The following GRID1 variants were observed in gnomAD, a reference collection of about 807,000 sequenced individuals.
GRID1 encodes the protein glutamate ionotropic receptor delta type subunit 1, also known as glutamate receptor ionotropic, delta-1.
In GRID1, 28 loss-of-function variants were observed where a neutral mutation model predicts 98.0. That is an observed-to-expected ratio of 0.29 (90% confidence interval 0.21 to 0.39). The LOEUF is 0.39. Ranked by LOEUF, GRID1 falls within the 10% of genes least tolerant of loss-of-function variation. The pLI is 1.00. For synonymous variants in GRID1, 553 were observed against 538.5 expected (o/e 1.03, Z -0.37); for missense variants, 1,111 against 1,340.5 (o/e 0.83, Z 2.67).
chr10:86,248,040 C>A (rs1353162953), intron 2 of GRID1, among the ~76,000 whole-genome samples: 2 of 152,238 alleles, frequency 1.3e-5, no homozygotes, highest in Non-Finnish European at 2.9e-5. Flanking sequence ...CCCCAAGGGG[C>A]CCAATAGAGG....
At chr10:85,875,095 G>C (rs1156312663) in intron 5 of GRID1, among the ~76,000 whole-genome samples, 1 of 152,104 alleles carries the variant, frequency 6.6e-6, no homozygotes, top group Non-Finnish European at 1.5e-5. Flanking sequence ...GGTCAGGCTG[G>C]TCTTGAACTC....
At chr10:85,727,092 C>A (rs1380310629) in intron 10 of GRID1, among the ~76,000 whole-genome samples, 1 of 152,102 alleles carries the variant, frequency 6.6e-6, no homozygotes, top group Non-Finnish European at 1.5e-5. Context: ...GTGATGGTGA[C>A]ATGTAAGATG....
chr10:86,006,439 T>G (rs974762939), intron 4 of GRID1, among the ~76,000 whole-genome samples: 1 of 152,122 alleles, frequency 6.6e-6, no homozygotes, highest in Non-Finnish European at 1.5e-5. Context: ...GTCAACATGG[T>G]GAAACCCCGT....
chr10:86,082,396 G>A (rs1274392871), intron 4 of GRID1, among the ~76,000 whole-genome samples: 3 of 152,146 alleles, frequency 2.0e-5, no homozygotes, highest in South Asian at 2.1e-4. Context: ...CAGGGGCAGC[G>A]GCAGGTGCAG....
chr10:85,855,081 G>A (rs1038165086), intron 7 of GRID1, among the ~76,000 whole-genome samples: 1 of 152,248 alleles, frequency 6.6e-6, no homozygotes, highest in African/African-American at 2.4e-5. Context: ...GGAGGGCACA[G>A]CAAGATCCCT....
intron 2 of GRID1, among the ~76,000 whole-genome samples, chr10:86,270,295 T>A (rs1038604592): frequency 6.6e-6 from 1 of 152,096 alleles, no homozygotes; most frequent in African/African-American, 2.4e-5. Context: ...TAAATCACTA[T>A]CCACCTCACT....
chr10:86,263,976 T>C (rs1847062910), intron 2 of GRID1, among the ~76,000 whole-genome samples: 1 of 152,208 alleles, frequency 6.6e-6, no homozygotes, highest in Non-Finnish European at 1.5e-5. Context: ...AAGGGACTTG[T>C]CCAGGAGCCT....
intron 4 of GRID1, among the ~76,000 whole-genome samples, chr10:86,082,907 G>T (rs11201881): frequency 6.6e-6 from 1 of 152,172 alleles, no homozygotes; most frequent in Non-Finnish European, 1.5e-5. Flanking sequence ...AGGACAGAGC[G>T]GGTGGAAGCA....
At chr10:85,887,694 T>C (rs977090294) in intron 5 of GRID1, among the ~76,000 whole-genome samples, 3 of 152,218 alleles carry the variant, frequency 2.0e-5, no homozygotes, top group Non-Finnish European at 2.9e-5. Context: ...CTCTTCCTGA[T>C]GGTGTAACTT....
intron 2 of GRID1, among the ~76,000 whole-genome samples, chr10:86,360,332 G>C (rs1848584490): frequency 6.6e-6 from 1 of 152,228 alleles, no homozygotes; most frequent in Non-Finnish European, 1.5e-5. Flanking sequence ...ATAAAATACA[G>C]TGGTGGGGGG....
intron 4 of GRID1, among the ~76,000 whole-genome samples, chr10:85,995,606 G>A (rs1236209098): frequency 1.3e-5 from 2 of 152,222 alleles, no homozygotes; most frequent in African/African-American, 2.4e-5. Context: ...AGTCTGATGA[G>A]TAAACATGAG....
chr10:86,114,699 G>C (rs1399582027), intron 4 of GRID1, among the ~76,000 whole-genome samples: 1 of 152,158 alleles, frequency 6.6e-6, no homozygotes, highest in Non-Finnish European at 1.5e-5. Flanking sequence ...AAACCTCCTA[G>C]ATCAAGCCCT....
At chr10:85,874,512 A>G (rs1279655548) in intron 5 of GRID1, among the ~76,000 whole-genome samples, 1 of 152,090 alleles carries the variant, frequency 6.6e-6, no homozygotes, top group Non-Finnish European at 1.5e-5. Context: ...CCTTTCCTGC[A>G]TTTGTGCTTT....
chr10:85,758,696 G>A (rs1842120758), intron 8 of GRID1, among the ~76,000 whole-genome samples: 1 of 152,160 alleles, frequency 6.6e-6, no homozygotes, highest in African/African-American at 2.4e-5. Context: ...GTGGGTACTG[G>A]GAGGTATGAT....
chr10:86,297,011 G>C (rs1847603404), intron 2 of GRID1, among the ~76,000 whole-genome samples: 1 of 152,122 alleles, frequency 6.6e-6, no homozygotes, highest in African/African-American at 2.4e-5. Context: ...AAGATGGCTT[G>C]AATAAATAGA....
intron 12 of GRID1, among the ~76,000 whole-genome samples, chr10:85,708,475 C>T (rs961036178): frequency 2.0e-5 from 3 of 151,228 alleles, no homozygotes; most frequent in African/African-American, 4.9e-5. Flanking sequence ...AAGAGAAATA[C>T]CTAAAGCACA....
chr10:85,705,854 C>G (rs1175626542), intron 12 of GRID1, among the ~76,000 whole-genome samples: 1 of 152,146 alleles, frequency 6.6e-6, no homozygotes, highest in African/African-American at 2.4e-5. Context: ...GAACCAAAGA[C>G]AAAAACCACA....
At chr10:85,777,588 C>G (rs12357929) in intron 8 of GRID1, among the ~76,000 whole-genome samples, 9,427 of 152,258 alleles carry the variant, frequency 0.062, 392 homozygotes, top group Non-Finnish European at 0.095. Flanking sequence ...AAGTTCTCAT[C>G]ATGTGTCTTC....
At chr10:85,719,329 A>G (rs1841674365) in intron 12 of GRID1, among the ~76,000 whole-genome samples, 1 of 152,286 alleles carries the variant, frequency 6.6e-6, no homozygotes, top group East Asian at 1.9e-4. Flanking sequence ...TCGCTTCTAC[A>G]TTTTTGGGTA....
Sources: gnomAD v4.1 joint callset for allele counts (sites outside exome capture counted in the v4.1 genomes callset) on GRCh38, gnomAD v4.1.1 for gene constraint, MANE v1.5 for transcripts, NCBI Gene and HGNC (gene_info 2026-07-23, HGNC 2026-07-21) for gene names.